The following LRRC4C variants were observed in gnomAD, a reference collection of about 807,000 sequenced individuals.
The protein encoded by LRRC4C is leucine rich repeat containing 4C.
A neutral mutation model predicts 33.6 loss-of-function variants in LRRC4C; 5 were observed. The observed-to-expected ratio is 0.15, with a 90% CI of 0.08 to 0.31. The LOEUF (loss-of-function observed/expected upper bound fraction) is 0.31. LRRC4C is among the 10% of genes least tolerant of loss of function. LRRC4C has a pLI of 1.00. For missense variants in LRRC4C, 560 were observed against 796.7 expected (o/e 0.70, Z 3.58); for synonymous variants, 329 against 302.0 (o/e 1.09, Z -0.93).
chr11:40,361,683 A>G lies in LRRC4C; in HGVS notation c.-269-41962T>C, dbSNP rs117148434. 6.4e-3 allele frequency among the ~76,000 whole-genome samples: 981 copies of G among 152,338 alleles called. 8 individuals are homozygous for G. The highest frequency in any genetic ancestry group is 0.02 in the Middle Eastern group (6 of 294). On this transcript the variant is annotated intron_variant, in intron 3 of 6. Coordinates refer to ENST00000528697, the MANE Select transcript of LRRC4C (RefSeq NM_001258419.2). ...TAAAATGGCCATACTGCCCAAGGCA[A>G]TTTATAGCATCAATGCTATTAAACT... is the stretch of plus-strand genomic sequence containing the variant.
intron 2 of LRRC4C, among the ~76,000 whole-genome samples, chr11:40,776,810 G>A (rs1453841833): frequency 1.3e-5 from 2 of 152,008 alleles, no homozygotes; most frequent in Non-Finnish European, 2.9e-5. Flanking sequence ...TCTTCTAGGT[G>A]TAATATTAGA....
At chr11:41,458,963 A>C (rs1956253594) in intron 1 of LRRC4C, among the ~76,000 whole-genome samples, 1 of 151,870 alleles carries the variant, frequency 6.6e-6, no homozygotes, top group African/African-American at 2.4e-5. Context: ...AAAAAAATAG[A>C]GCTATGGGGA....
At chr11:41,225,755 T>C (rs544668652) in intron 1 of LRRC4C, among the ~76,000 whole-genome samples, 50 of 152,320 alleles carry the variant, frequency 3.3e-4, no homozygotes, top group Middle Eastern at 3.4e-3. Flanking sequence ...ATTTAACAGA[T>C]GGTCCCCAAC....
intron 3 of LRRC4C, among the ~76,000 whole-genome samples, chr11:40,331,689 T>C (rs1270861586): frequency 6.6e-6 from 1 of 152,150 alleles, no homozygotes; most frequent in African/African-American, 2.4e-5. Context: ...CTCTCTCTCT[T>C]CTTGAGCTGG....
At chr11:40,349,158 T>C (rs1947270373) in intron 3 of LRRC4C, among the ~76,000 whole-genome samples, 1 of 152,178 alleles carries the variant, frequency 6.6e-6, no homozygotes, top group Admixed American at 6.5e-5. Context: ...AAATACTAGA[T>C]TTTATTCATT....
intron 3 of LRRC4C, among the ~76,000 whole-genome samples, chr11:40,454,211 C>T (rs1033648734): frequency 2.0e-5 from 3 of 150,402 alleles, no homozygotes; most frequent in African/African-American, 7.4e-5. Flanking sequence ...CATTTGTTAC[C>T]AACAGTTGTA....
intron 1 of LRRC4C, among the ~76,000 whole-genome samples, chr11:41,104,853 A>G (rs1247885599): frequency 6.6e-6 from 1 of 152,024 alleles, no homozygotes; most frequent in African/African-American, 2.4e-5. Flanking sequence ...CATAAATTAT[A>G]TAATTTCATT....
intron 3 of LRRC4C, among the ~76,000 whole-genome samples, chr11:40,376,247 C>T (rs980035385): frequency 5.3e-5 from 8 of 152,248 alleles, no homozygotes; most frequent in South Asian, 2.1e-4. Context: ...CCCCTCTTGT[C>T]AGACATTCCA....
chr11:40,942,426 A>C (rs1475715533), intron 1 of LRRC4C, among the ~76,000 whole-genome samples: 1 of 152,194 alleles, frequency 6.6e-6, no homozygotes, highest in African/African-American at 2.4e-5. Flanking sequence ...TCAATTAGAA[A>C]GTGCTGCAAT....
intron 2 of LRRC4C, among the ~76,000 whole-genome samples, chr11:40,785,291 T>C (rs1311668849): frequency 6.6e-6 from 1 of 152,212 alleles, no homozygotes; most frequent in Non-Finnish European, 1.5e-5. Context: ...CATTTTTCTA[T>C]AGTTACAGCA....
At chr11:41,433,232 G>C (rs1381004917) in intron 1 of LRRC4C, among the ~76,000 whole-genome samples, 1 of 152,014 alleles carries the variant, frequency 6.6e-6, no homozygotes, top group African/African-American at 2.4e-5. Context: ...ATAAGTTTTA[G>C]CTTTTGTTTT....
chr11:40,518,342 C>T (rs78903326), intron 3 of LRRC4C, among the ~76,000 whole-genome samples: 9,841 of 151,964 alleles, frequency 0.065, 830 homozygotes, highest in African/African-American at 0.2. Context: ...AATGGGAGAA[C>T]ATTTTTGCAA....
rs575872293 is a variant in LRRC4C, at chr11:40,705,758, C to G, written c.-406-57480G>C. 5.3e-5 allele frequency among the ~76,000 whole-genome samples: 8 copies of G among 152,142 alleles called. No individual in the cohort carries two copies. In the South Asian group the frequency reaches 1.7e-3, roughly 32 times the overall value. On this transcript the variant is annotated intron_variant, in intron 2 of 6. Coordinates refer to ENST00000528697, the MANE Select transcript of LRRC4C (RefSeq NM_001258419.2). ...CACTGGACAAATGGTGTTTCTAGTTCCAGATCTTTGATGAATTGCCACATT... is the reference window on the plus strand; with the variant it reads ...CACTGGACAAATGGTGTTTCTAGTTGCAGATCTTTGATGAATTGCCACATT...
chr11:41,136,343 G>A (rs1943259929), intron 1 of LRRC4C, among the ~76,000 whole-genome samples: 1 of 152,024 alleles, frequency 6.6e-6, no homozygotes, highest in Non-Finnish European at 1.5e-5. Flanking sequence ...AAGGATCAGA[G>A]GTAAAACTCA....
intron 1 of LRRC4C, among the ~76,000 whole-genome samples, chr11:41,281,042 TTCTCTCTCTCTCTCTC>T (rs71063910): frequency 1.3e-5 from 1 of 76,194 alleles, no homozygotes; most frequent in Admixed American, 2.2e-4. Flanking sequence ...AATACATATT[TTCTCTCTCTCTCTCTC>T]TCTCTCTCTC....
chr11:40,984,987 C>A (rs149325743), intron 1 of LRRC4C, among the ~76,000 whole-genome samples: 1 of 141,916 alleles, frequency 7.0e-6, no homozygotes, highest in Non-Finnish European at 1.5e-5. Flanking sequence ...CTGCAACCTC[C>A]GTCTCCCAGG....
At chr11:41,291,045 G>A (rs891414292) in intron 1 of LRRC4C, among the ~76,000 whole-genome samples, 8 of 152,150 alleles carry the variant, frequency 5.3e-5, no homozygotes, top group African/African-American at 1.4e-4. Flanking sequence ...TCTAAAATTA[G>A]AATTAAAATT....
intron 3 of LRRC4C, among the ~76,000 whole-genome samples, chr11:40,528,860 C>T (rs968116487): frequency 6.6e-6 from 1 of 152,104 alleles, no homozygotes. Flanking sequence ...CTGATGGACA[C>T]TATGCTAGGT....
At chr11:41,301,444 A>C (rs927152987) in intron 1 of LRRC4C, among the ~76,000 whole-genome samples, 3 of 152,194 alleles carry the variant, frequency 2.0e-5, no homozygotes, top group Non-Finnish European at 4.4e-5. Flanking sequence ...TATGAAAACC[A>C]AAAGAGTTTT....
Sources: allele counts gnomAD v4.1 joint callset (sites outside exome capture counted in the v4.1 genomes callset), GRCh38; gene constraint gnomAD v4.1.1; transcripts MANE v1.5; gene names NCBI Gene and HGNC (gene_info 2026-07-23, HGNC 2026-07-21).